ACYP2: variants seen among roughly 807,000 people sequenced by gnomAD.
ACYP2 encodes acylphosphatase 2, also known as acylphosphatase-2.
In ACYP2, 12 loss-of-function variants were observed where a neutral mutation model predicts 11.2. The observed-to-expected ratio is 1.08, with a 90% CI of 0.69 to 1.74. ACYP2 has a LOEUF of 1.74. Ranked by LOEUF, ACYP2 falls within the 40% of genes most tolerant of loss-of-function variation. The pLI, the probability that ACYP2 is intolerant of heterozygous loss-of-function variation, is 0.00. For synonymous variants in ACYP2, 43 were observed against 32.2 expected (o/e 1.33, Z -1.13); for missense variants, 134 against 101.9 (o/e 1.31, Z -1.35).
chr2:54,011,486 C>G (rs1273520153), intron 2 of ACYP2, among the ~76,000 whole-genome samples: 1 of 152,142 alleles, frequency 6.6e-6, no homozygotes, highest in Non-Finnish European at 1.5e-5. Context: ...TTGTAGTTCT[C>G]TCTCATAATA....
At chr2:54,287,757 C>G (rs1469809867) in intron 6 of ACYP2, among the ~76,000 whole-genome samples, 4 of 151,984 alleles carry the variant, frequency 2.6e-5, no homozygotes, top group African/African-American at 9.7e-5. Context: ...GTAAGTGATT[C>G]CAGTTATTCC....
At chr2:54,179,924 T>A (rs115507794) in intron 6 of ACYP2, among the ~76,000 whole-genome samples, 4 of 152,156 alleles carry the variant, frequency 2.6e-5, no homozygotes, top group Non-Finnish European at 4.4e-5. Flanking sequence ...ATCCCACAGA[T>A]TGGGGGCTCA....
intron 6 of ACYP2, among the ~76,000 whole-genome samples, chr2:54,193,561 G>T (rs1182807951): frequency 1.3e-5 from 2 of 152,120 alleles, no homozygotes; most frequent in African/African-American, 4.8e-5. Context: ...TGTATTGAAT[G>T]AATACAATTT....
chr2:54,277,763 G>C (rs1278386060), intron 6 of ACYP2, among the ~76,000 whole-genome samples: 1 of 151,892 alleles, frequency 6.6e-6, no homozygotes, highest in Non-Finnish European at 1.5e-5. Flanking sequence ...CTACAATTAG[G>C]CAACATTCAT....
chr2:54,042,696 G>A (rs1025616497), intron 2 of ACYP2, among the ~76,000 whole-genome samples: 15 of 152,116 alleles, frequency 9.9e-5, no homozygotes, highest in African/African-American at 3.6e-4. Flanking sequence ...ATGGTGAGGG[G>A]ACCCTTATTC....
chr2:54,163,975 A>G (rs889402437), intron 6 of ACYP2, among the ~76,000 whole-genome samples: 5 of 152,226 alleles, frequency 3.3e-5, no homozygotes, highest in Non-Finnish European at 5.9e-5. Flanking sequence ...TGAGGAGATA[A>G]CAGTCTAGCT....
intron 6 of ACYP2, among the ~76,000 whole-genome samples, chr2:54,156,987 A>G (rs972599542): frequency 6.6e-6 from 1 of 152,208 alleles, no homozygotes; most frequent in East Asian, 1.9e-4. Flanking sequence ...AAATATTTTA[A>G]ATAAATATTT....
chr2:54,203,380 C>T (rs539022591), intron 6 of ACYP2, among the ~76,000 whole-genome samples: 2 of 152,270 alleles, frequency 1.3e-5, no homozygotes, highest in African/African-American at 2.4e-5. Context: ...TCCTCAGAAT[C>T]ATCTATATAT....
chr2:54,136,749 G>A (rs1681265829), intron 5 of ACYP2, among the ~76,000 whole-genome samples: 1 of 152,188 alleles, frequency 6.6e-6, no homozygotes, highest in South Asian at 2.1e-4. Context: ...GCTGAGGCAG[G>A]TGGATCACCT....
At chr2:54,111,676 T>A (rs1356604387) in intron 4 of ACYP2, among the ~76,000 whole-genome samples, 6 of 152,254 alleles carry the variant, frequency 3.9e-5, no homozygotes, top group African/African-American at 1.4e-4. Flanking sequence ...TAATTAAGCA[T>A]TTATTTTACC....
At chr2:54,174,427 G>A (rs936729143) in intron 6 of ACYP2, among the ~76,000 whole-genome samples, 1 of 152,152 alleles carries the variant, frequency 6.6e-6, no homozygotes, top group Admixed American at 6.5e-5. Flanking sequence ...ATTTTGGGCT[G>A]AGACGATGGG....
chr2:53,993,835 GA>G (rs1672424591), intron 2 of ACYP2, among the ~76,000 whole-genome samples: 1 of 152,122 alleles, frequency 6.6e-6, no homozygotes, highest in Non-Finnish European at 1.5e-5. Context: ...AAAAAAAGTA[GA>G]AAGTTGAGAA....
intron 6 of ACYP2, among the ~76,000 whole-genome samples, chr2:54,163,462 T>C (rs77204608): frequency 0.023 from 3,554 of 152,292 alleles, 123 homozygotes; most frequent in African/African-American, 0.076. Flanking sequence ...TTTAAAAAAC[T>C]GAGACTCATT....
chr2:54,219,815 G>A (rs1196584207), intron 6 of ACYP2, among the ~76,000 whole-genome samples: 10 of 111,132 alleles, frequency 9.0e-5, no homozygotes, highest in Non-Finnish European at 1.0e-4. Context: ...GTGTGTTTGT[G>A]TATGTGTGTG....
chr2:53,974,161 G>A (rs1215062039), intron 2 of ACYP2, among the ~76,000 whole-genome samples: 2 of 151,714 alleles, frequency 1.3e-5, no homozygotes, highest in Admixed American at 6.6e-5. Flanking sequence ...TGATCCGCCC[G>A]CCTTGGACTC....
At position 54,230,829 on chromosome 2, in the gene ACYP2, CTTTTTTTTTT is replaced by C. The variant is rs34359444; in HGVS notation, c.405-73850_405-73841del. Among the ~76,000 whole-genome samples the C allele has an allele frequency of 5.4e-3, 696 of 129,396 alleles. 7 individuals carry two copies. Among genetic ancestry groups the C allele is most frequent in the Non-Finnish European group, 8.7e-3 (539 of 61,810 alleles). 84.9% of individuals were successfully genotyped at this position (129,396 alleles called of 152,430 possible). A position where few individuals can be genotyped will look rare whatever the true frequency, so the allele number is the denominator to read the frequency against. On this transcript the variant is annotated intron_variant, in intron 6 of 6. Transcript: ENST00000607452. ...TCAAACCAATGTATTTCTTTCTTTT[CTTTTTTTTTT>C]TTTTTTTTGAGTCAAAGTCTTGCTC... is the stretch of plus-strand genomic sequence containing the variant.
chr2:53,995,227 T>G (rs1339520057), intron 2 of ACYP2, among the ~76,000 whole-genome samples: 1 of 152,036 alleles, frequency 6.6e-6, no homozygotes, highest in African/African-American at 2.4e-5. Flanking sequence ...GATATCTGTT[T>G]GAGAAAAAAA....
At chr2:54,303,733 A>T (rs1689814252) in intron 6 of ACYP2, among the ~76,000 whole-genome samples, 1 of 152,252 alleles carries the variant, frequency 6.6e-6, no homozygotes, top group African/African-American at 2.4e-5. Flanking sequence ...ATCATACTGC[A>T]TAGCTGTCTA....
chr2:54,062,276 C>G (rs112128227), intron 4 of ACYP2, among the ~76,000 whole-genome samples: 13 of 152,258 alleles, frequency 8.5e-5, no homozygotes, highest in African/African-American at 3.1e-4. Context: ...AGGGGCTTCT[C>G]TAAACATCTC....
Sources: gnomAD v4.1 joint callset for allele counts (sites outside exome capture counted in the v4.1 genomes callset) on GRCh38, gnomAD v4.1.1 for gene constraint, MANE v1.5 for transcripts, NCBI Gene and HGNC (gene_info 2026-07-23, HGNC 2026-07-21) for gene names.